The following ADGRB3 variants were observed in gnomAD, a reference collection of about 807,000 sequenced individuals.
ADGRB3 encodes brain-specific angiogenesis inhibitor 3.
A neutral mutation model predicts 193.4 loss-of-function variants in ADGRB3; 37 were observed. The ratio of observed to expected loss-of-function variants is 0.19; its 90% CI spans 0.15 to 0.25. The LOEUF (loss-of-function observed/expected upper bound fraction) is 0.25, where lower values mean the gene tolerates loss of function less well. Ranked by LOEUF, ADGRB3 falls within the 10% of genes least tolerant of loss-of-function variation. The pLI is 1.00. For missense variants in ADGRB3, 1,637 were observed against 1,852.9 expected (o/e 0.88, Z 2.14); for synonymous variants, 690 against 644.2 (o/e 1.07, Z -1.08).
intron 17 of ADGRB3, among the ~76,000 whole-genome samples, chr6:69,197,638 T>A (rs1297135976): frequency 1.3e-5 from 2 of 152,168 alleles, no homozygotes; most frequent in South Asian, 4.1e-4. Flanking sequence ...GACTCCTGGA[T>A]CCCTTCTGTC....
intron 17 of ADGRB3, among the ~76,000 whole-genome samples, chr6:69,161,787 G>A (rs1229748836): frequency 6.6e-6 from 1 of 152,022 alleles, no homozygotes; most frequent in Admixed American, 6.6e-5. Flanking sequence ...TTATTGAACT[G>A]AGAGCCTCAG....
At chr6:69,256,897 A>G (rs1305688788) in intron 20 of ADGRB3, among the ~76,000 whole-genome samples, 2 of 152,178 alleles carry the variant, frequency 1.3e-5, no homozygotes, top group African/African-American at 4.8e-5. Flanking sequence ...TAATTTATTG[A>G]GAGTTTTTAG....
intron 12 of ADGRB3, among the ~76,000 whole-genome samples, chr6:69,016,904 C>T (rs1377795607): frequency 6.6e-6 from 1 of 151,832 alleles, no homozygotes; most frequent in Non-Finnish European, 1.5e-5. Flanking sequence ...ATTTATTACA[C>T]TACACATACT....
intron 3 of ADGRB3, among the ~76,000 whole-genome samples, chr6:68,860,324 G>T (rs768160639): frequency 8.5e-5 from 13 of 152,108 alleles, no homozygotes; most frequent in Non-Finnish European, 1.6e-4. Context: ...GGCTTCTAGT[G>T]TACCCATCAC....
chr6:69,361,166 A>G lies in ADGRB3; in HGVS notation c.3893A>G (p.His1298Arg). Reference sequence around the variant, plus strand: ...AGAGGGGCTGACATGGACATAGTCCATCCTCAAGAAAGAATGATGGAAAGT... The same window carrying G: ...AGAGGGGCTGACATGGACATAGTCCGTCCTCAAGAAAGAATGATGGAAAGT... ...NLRGADMDIV[H>R]PQERMMESDY... The change falls in exon 29 of 32, where the codon CAT (histidine) becomes CGT (arginine). Residue 1298 changes from histidine (H) to arginine (R), a missense_variant. By Grantham distance (29) the His-to-Arg change is conservative (BLOSUM62 0). Around this residue, in one of 7 missense-constraint regions of ADGRB3, gnomAD observed 368 missense variants for 367.4 expected, o/e 1.00. Transcript: ENST00000370598. The G allele has an allele frequency of 6.2e-7, 1 of 1,612,870 alleles. No individual in the cohort carries two copies. The highest frequency in any genetic ancestry group is 1.1e-5 in the South Asian group (1 of 91,068).
At chr6:69,286,118 A>G (rs985402846) in intron 20 of ADGRB3, among the ~76,000 whole-genome samples, 1 of 152,230 alleles carries the variant, frequency 6.6e-6, no homozygotes, top group East Asian at 1.9e-4. Context: ...GTAGATAAAG[A>G]AGACAATTTT....
At chr6:68,684,231 C>G (rs1764944856) in intron 3 of ADGRB3, among the ~76,000 whole-genome samples, 1 of 152,072 alleles carries the variant, frequency 6.6e-6, no homozygotes, top group Non-Finnish European at 1.5e-5. Context: ...GTCCCTGTCA[C>G]TCTGGATTTA....
intron 17 of ADGRB3, among the ~76,000 whole-genome samples, chr6:69,129,065 G>A (rs1773931686): frequency 6.6e-6 from 1 of 152,124 alleles, no homozygotes; most frequent in African/African-American, 2.4e-5. Flanking sequence ...AATGTAAATT[G>A]CTTTTGATAC....
chr6:69,059,889 A>T (rs1771674667), intron 15 of ADGRB3, among the ~76,000 whole-genome samples: 2 of 152,178 alleles, frequency 1.3e-5, no homozygotes, highest in African/African-American at 2.4e-5. Context: ...GTATTTGCTT[A>T]TTAAACAAAA....
At chr6:68,882,513 G>A (rs369513477) in intron 3 of ADGRB3, among the ~76,000 whole-genome samples, 2 of 152,068 alleles carry the variant, frequency 1.3e-5, no homozygotes, top group African/African-American at 4.8e-5. Flanking sequence ...CATCTCAAAG[G>A]TTTTAAAAGA....
intron 11 of ADGRB3, among the ~76,000 whole-genome samples, chr6:69,006,249 T>A (rs546309939): frequency 6.6e-6 from 1 of 152,258 alleles, no homozygotes; most frequent in East Asian, 1.9e-4. Context: ...GATCCCTACT[T>A]TAATCTATAA....
At chr6:69,193,151 A>G (rs1196584118) in intron 17 of ADGRB3, among the ~76,000 whole-genome samples, 1 of 152,000 alleles carries the variant, frequency 6.6e-6, no homozygotes, top group South Asian at 2.1e-4. Flanking sequence ...GCCTTCTCCT[A>G]TCTTTCTCCT....
intron 16 of ADGRB3, among the ~76,000 whole-genome samples, chr6:69,064,942 AG>A (rs1771857251): frequency 6.6e-6 from 1 of 152,140 alleles, no homozygotes; most frequent in Non-Finnish European, 1.5e-5. Context: ...GTGTTTTGTC[AG>A]CTGATTTACA....
chr6:69,319,939 A>G (rs796643433), intron 20 of ADGRB3, among the ~76,000 whole-genome samples: 65 of 151,544 alleles, frequency 4.3e-4, no homozygotes, highest in African/African-American at 1.5e-3. Flanking sequence ...GTTTGGAATT[A>G]GTTTATTTCC....
chr6:68,947,805 A>G (rs1381792415), intron 6 of ADGRB3, among the ~76,000 whole-genome samples: 1 of 152,092 alleles, frequency 6.6e-6, no homozygotes, highest in African/African-American at 2.4e-5. Context: ...AGAACCTGAT[A>G]GGGAGCAAAT....
At chr6:69,290,089 G>C (rs1767636138) in intron 20 of ADGRB3, among the ~76,000 whole-genome samples, 1 of 152,058 alleles carries the variant, frequency 6.6e-6, no homozygotes, top group African/African-American at 2.4e-5. Context: ...AGTTCAAGTT[G>C]CTAAGCTCAG....
At chr6:69,245,960 T>C (rs1382176993) in intron 20 of ADGRB3, among the ~76,000 whole-genome samples, 1 of 152,146 alleles carries the variant, frequency 6.6e-6, no homozygotes, top group Admixed American at 6.6e-5. Flanking sequence ...TCTATGAATC[T>C]AATAGCTGTT....
At chr6:68,968,722 A>G (rs1457543002) in intron 8 of ADGRB3, among the ~76,000 whole-genome samples, 1 of 152,212 alleles carries the variant, frequency 6.6e-6, no homozygotes, top group Non-Finnish European at 1.5e-5. Flanking sequence ...CTAGAATTCA[A>G]TTATGTAATA....
intron 17 of ADGRB3, among the ~76,000 whole-genome samples, chr6:69,230,500 A>G (rs1223054579): frequency 1.3e-5 from 2 of 152,192 alleles, no homozygotes; most frequent in Non-Finnish European, 2.9e-5. Flanking sequence ...AGACATGTGT[A>G]CCATGCTTTC....
Sources: allele counts gnomAD v4.1 joint callset (sites outside exome capture counted in the v4.1 genomes callset), GRCh38; gene constraint gnomAD v4.1.1; regional missense constraint gnomAD v4.1.1; transcripts MANE v1.5; gene names NCBI Gene and HGNC (gene_info 2026-07-23, HGNC 2026-07-21).